The following TRMT11 variants were observed in gnomAD, a reference collection of about 807,000 sequenced individuals.
TRMT11 encodes the protein tRNA methyltransferase 11.
A neutral mutation model predicts 62.8 loss-of-function variants in TRMT11; 53 were observed. The observed-to-expected ratio is 0.84, with a 90% CI of 0.68 to 1.06. The LOEUF is 1.06. TRMT11 is among the 50% of genes least tolerant of loss of function. The pLI, the probability that TRMT11 is intolerant of heterozygous loss-of-function variation, is 0.00. For synonymous variants in TRMT11, 188 were observed against 190.3 expected, an observed-to-expected ratio of 0.99 and a Z score of 0.10; for missense variants, 556 against 553.4, an observed-to-expected ratio of 1.00 and a Z score of -0.05.
At chr6:126,247,482 T>TA in the TRMT11 span, among the ~76,000 whole-genome samples, 1 of 148,920 alleles carries the variant, frequency 6.7e-6, no homozygotes, top group Admixed American at 6.7e-5. Context: ...TCTATCTATC[T>TA]ATCTATCTAA....
chr6:126,167,709 C>T (rs954460528), intron 21 of TRMT11, among the ~76,000 whole-genome samples: 1 of 152,136 alleles, frequency 6.6e-6, no homozygotes, highest in African/African-American at 2.4e-5. Flanking sequence ...GTATTTGTGC[C>T]TATGGATAAT....
chr6:126,132,718 T>A (rs187121775), intron 21 of TRMT11, among the ~76,000 whole-genome samples: 35 of 152,162 alleles, frequency 2.3e-4, no homozygotes, highest in African/African-American at 7.7e-4. Context: ...CTGTTTTTAA[T>A]GACTTCCAAC....
downstream of TRMT11, among the ~76,000 whole-genome samples, chr6:126,044,130 A>T (rs574065246): frequency 6.6e-6 from 1 of 151,902 alleles, no homozygotes. Context: ...GTCCTTGCCC[A>T]TGCCTATGTC....
At chr6:126,000,134 A>C (rs1471973963) in intron 7 of TRMT11, among the ~76,000 whole-genome samples, 1 of 152,144 alleles carries the variant, frequency 6.6e-6, no homozygotes, top group Non-Finnish European at 1.5e-5. Context: ...TCAATGGGCT[A>C]GATAGCCTGG....
chr6:126,093,579 ATGTATG>A, intron 17 of TRMT11, among the ~76,000 whole-genome samples: 1 of 80,678 alleles, frequency 1.2e-5, no homozygotes. Flanking sequence ...GTAACAGGAT[ATGTATG>A]TATATATATA....
chr6:126,203,919 T>TTGTGTGTGTG (rs71680476), downstream of TRMT11, among the ~76,000 whole-genome samples: 111 of 144,484 alleles, frequency 7.7e-4, no homozygotes, highest in Middle Eastern at 3.5e-3. Flanking sequence ...GATCATCATT[T>TTGTGTGTGTG]TGTGTGTGTG....
At chr6:126,017,403 A>G (rs1795146241) in intron 11 of TRMT11, among the ~76,000 whole-genome samples, 1 of 152,216 alleles carries the variant, frequency 6.6e-6, no homozygotes, top group Non-Finnish European at 1.5e-5. Context: ...TAATGATTGA[A>G]AAGGATTTTC....
chr6:125,993,736 T>C (rs752929025), intron 1 of TRMT11, 21 bp from the exon 2 acceptor site: 1 of 1,536,862 alleles, frequency 6.5e-7, no homozygotes, highest in East Asian at 2.3e-5. Context: ...ATGTATTTTC[T>C]CTGTAATATT....
chr6:126,201,511 C>A (rs146081423), intron 3 of TRMT11, among the ~76,000 whole-genome samples: 2 of 152,128 alleles, frequency 1.3e-5, no homozygotes, highest in Non-Finnish European at 2.9e-5. Flanking sequence ...TGGATTGATC[C>A]GGATCCTATC....
chr6:126,044,168 T>C (rs1238750164), downstream of TRMT11, among the ~76,000 whole-genome samples: 3 of 152,140 alleles, frequency 2.0e-5, no homozygotes, highest in African/African-American at 7.2e-5. Flanking sequence ...GGTTTTCTTC[T>C]AGGGTTTTTA....
At chr6:126,257,595 G>C in the TRMT11 span, among the ~76,000 whole-genome samples, 1 of 152,060 alleles carries the variant, frequency 6.6e-6, no homozygotes, top group Non-Finnish European at 1.5e-5. Flanking sequence ...TTCTTCTTTA[G>C]AACTAATTAA....
chr6:126,238,606 T>G, the TRMT11 span, among the ~76,000 whole-genome samples: 4 of 152,174 alleles, frequency 2.6e-5, no homozygotes, highest in Non-Finnish European at 5.9e-5. Context: ...TCTTTTACAT[T>G]TGCTGAGGAG....
chr6:126,029,667 T>G (rs1052159500), intron 12 of TRMT11, among the ~76,000 whole-genome samples: 1 of 152,184 alleles, frequency 6.6e-6, no homozygotes, highest in African/African-American at 2.4e-5. Context: ...CTGCTACTCA[T>G]TTATTGCTAC....
At chr6:126,029,429 C>G (rs569309842) in intron 12 of TRMT11, among the ~76,000 whole-genome samples, 2 of 152,068 alleles carry the variant, frequency 1.3e-5, no homozygotes, top group Non-Finnish European at 2.9e-5. Flanking sequence ...CTGACTGTTA[C>G]GGTAATCATA....
the TRMT11 span, among the ~76,000 whole-genome samples, chr6:126,247,586 T>G: frequency 6.8e-6 from 1 of 147,122 alleles, no homozygotes; most frequent in Admixed American, 6.8e-5. Context: ...ATAATAGTCA[T>G]TATAAAAAAG....
At chr6:126,048,359 C>T (rs1050861546) in intron 16 of TRMT11, among the ~76,000 whole-genome samples, 9 of 152,116 alleles carry the variant, frequency 5.9e-5, no homozygotes, top group African/African-American at 1.7e-4. Flanking sequence ...CCTTGAGGAG[C>T]CTTGTTATGT....
At chr6:126,008,832 C>A (rs1220360341) in intron 8 of TRMT11, 2 of 337,222 alleles carry the variant, frequency 5.9e-6, no homozygotes, top group Admixed American at 3.9e-5. Flanking sequence ...GGAGTGGGCA[C>A]CCCAACCCCA....
chr6:126,008,359 T>A, intron 7 of TRMT11, 33 bp from the exon 8 acceptor site: 2 of 1,592,584 alleles, frequency 1.3e-6, no homozygotes, highest in Non-Finnish European at 8.6e-7. Context: ...TGGGACTTAC[T>A]GGTTAACAGG....
chr6:126,035,465 A>G (rs1031843645), intron 12 of TRMT11, among the ~76,000 whole-genome samples: 2 of 152,072 alleles, frequency 1.3e-5, no homozygotes, highest in African/African-American at 4.8e-5. Flanking sequence ...TAGAAAGGGG[A>G]CATTTTAGCA....
Sources: allele counts gnomAD v4.1 joint callset (sites outside exome capture counted in the v4.1 genomes callset), GRCh38; gene constraint gnomAD v4.1.1; transcripts MANE v1.5; gene names NCBI Gene and HGNC (gene_info 2026-07-23, HGNC 2026-07-21).